Variants in CTNNA3 observed in about 807,000 individuals in gnomAD.
CTNNA3 encodes catenin alpha 3.
Under a neutral mutation model 95.7 loss-of-function variants are expected in CTNNA3, and 76 were observed. The observed-to-expected ratio is 0.79, with a 90% CI of 0.66 to 0.96. The LOEUF is 0.96. Among genes scored for constraint, CTNNA3 ranks in the 40% least tolerant of loss-of-function variants. The probability of loss-of-function intolerance (pLI) is 0.00; values close to 1 mark genes in which losing one functional copy is unlikely to be tolerated. For synonymous variants in CTNNA3, 431 were observed against 374.4 expected (o/e 1.15, Z -1.74); for missense variants, 1,191 against 1,089.8 (o/e 1.09, Z -1.31).
chr10:66,253,849 G>C (rs2090654502), intron 13 of CTNNA3, among the ~76,000 whole-genome samples: 1 of 152,170 alleles, frequency 6.6e-6, no homozygotes, highest in Non-Finnish European at 1.5e-5. Context: ...AGATATCAGA[G>C]AGTCCCTTGT....
intron 7 of CTNNA3, among the ~76,000 whole-genome samples, chr10:66,917,868 TCAAAGCACAGTCATAGATG>T (rs1272741347): frequency 3.3e-5 from 5 of 152,194 alleles, no homozygotes; most frequent in Non-Finnish European, 7.3e-5. Flanking sequence ...GACTTTACAT[TCAAAGCACAGTCATAGATG>T]CAAAGTAAAA....
At chr10:66,834,667 G>A (rs1481886985) in intron 7 of CTNNA3, among the ~76,000 whole-genome samples, 1 of 152,154 alleles carries the variant, frequency 6.6e-6, no homozygotes, top group Non-Finnish European at 1.5e-5. Flanking sequence ...ATATTCAAAT[G>A]CTGCATTCTA....
At chr10:66,945,936 C>A (rs1247425921) in intron 7 of CTNNA3, among the ~76,000 whole-genome samples, 1 of 151,982 alleles carries the variant, frequency 6.6e-6, no homozygotes, top group Admixed American at 6.6e-5. Context: ...GTTTGAAGGA[C>A]CCCAAAACAA....
chr10:66,854,372 C>T (rs1189112294), intron 7 of CTNNA3, among the ~76,000 whole-genome samples: 10 of 151,926 alleles, frequency 6.6e-5, no homozygotes, highest in Admixed American at 5.9e-4. Flanking sequence ...TGATAATGAA[C>T]TAGGTACTAT....
chr10:66,771,303 T>C (rs1840076515), intron 8 of CTNNA3, among the ~76,000 whole-genome samples: 2 of 152,186 alleles, frequency 1.3e-5, no homozygotes, highest in Non-Finnish European at 2.9e-5. Context: ...TTTTAGTATG[T>C]ATAGTAAAAT....
intron 9 of CTNNA3, among the ~76,000 whole-genome samples, chr10:66,646,243 G>GA (rs1184539927): frequency 2.0e-5 from 3 of 152,188 alleles, no homozygotes; most frequent in African/African-American, 7.2e-5. Context: ...AAATTGATGT[G>GA]AAAAAATAGA....
rs532701306 is a variant in CTNNA3, at chr10:67,317,000, C to A, written c.580-97130G>T. ...AAATTGTACCTTTAGCACACATATA[C>A]CACCGATCTATTTGCATCTAACATT... On this transcript the variant is annotated intron_variant, in intron 5 of 17. Transcript: ENST00000433211. Among the ~76,000 whole-genome samples the A allele has an allele frequency of 3.8e-4, 58 of 152,234 alleles. 1 individual carries two copies. The South Asian group carries it at 7.9e-3, about 21-fold the overall frequency.
intron 7 of CTNNA3, among the ~76,000 whole-genome samples, chr10:66,980,539 A>ATG (rs1564809921): frequency 7.2e-6 from 1 of 138,674 alleles, no homozygotes; most frequent in African/African-American, 2.8e-5. Context: ...AGAATTGAAC[A>ATG]GGAACCAAAA....
At chr10:65,937,485 A>T (rs1293309685) in intron 17 of CTNNA3, among the ~76,000 whole-genome samples, 1 of 152,126 alleles carries the variant, frequency 6.6e-6, no homozygotes. Context: ...CTTTCTTCCA[A>T]GAGTTTCTTT....
chr10:67,141,285 T>C (rs1860549423), intron 7 of CTNNA3, among the ~76,000 whole-genome samples: 1 of 141,384 alleles, frequency 7.1e-6, no homozygotes, highest in African/African-American at 2.7e-5. Context: ...CAATTAATGC[T>C]TGCAAAGGCA....
At chr10:67,106,164 T>C (rs1207241677) in intron 7 of CTNNA3, among the ~76,000 whole-genome samples, 1 of 152,186 alleles carries the variant, frequency 6.6e-6, no homozygotes, top group Admixed American at 6.6e-5. Flanking sequence ...GAACTTGACA[T>C]GACACATTGG....
chr10:67,538,576 T>A lies in CTNNA3; in HGVS notation c.459+927A>T, dbSNP rs563976304. Among the ~76,000 whole-genome samples, 19 of 139,902 alleles carry A rather than the reference T, an allele frequency of 1.4e-4. No individual in the cohort carries two copies. The South Asian group carries it at 4.7e-3, about 35-fold the overall frequency. The allele number at this position is 139,902 out of a possible 152,430, so 91.8% of individuals were successfully genotyped here. On this transcript the variant is annotated intron_variant, in intron 4 of 17. Coordinates refer to ENST00000433211, the MANE Select transcript of CTNNA3 (RefSeq NM_013266.4). ...ACCCAGGCGACAGTGCGAGACTCCA[T>A]CTCAAAAAAAAAAAGAAAAAAGGAA...
intron 5 of CTNNA3, among the ~76,000 whole-genome samples, chr10:67,408,864 A>G (rs1187135749): frequency 1.3e-5 from 2 of 148,704 alleles, no homozygotes; most frequent in African/African-American, 5.0e-5. Flanking sequence ...TCCAGCATTT[A>G]AAAGGAACTT....
chr10:66,723,653 C>T (rs144120910), intron 9 of CTNNA3, among the ~76,000 whole-genome samples: 3 of 152,278 alleles, frequency 2.0e-5, no homozygotes, highest in Non-Finnish European at 4.4e-5. Flanking sequence ...TACCAGAAAA[C>T]AACAGCATCA....
rs545278944 is a variant in CTNNA3 at position 67,558,535 on chromosome 10, G to A, written c.293-18866C>T. ...AAGATGGCCGAATAGGAACAGCGCC[G>A]GTCTACAGCTCCCAGCGTGAGCGAC... is the stretch of plus-strand genomic sequence containing the variant. On this transcript the variant is annotated intron_variant, in intron 3 of 17. Transcript: ENST00000433211. 2.2e-4 allele frequency among the ~76,000 whole-genome samples: 34 copies of A among 152,316 alleles called. No homozygotes were observed. In the South Asian group the frequency reaches 2.3e-3, roughly 10 times the overall value.
chr10:66,135,200 G>A (rs12413019), intron 13 of CTNNA3, among the ~76,000 whole-genome samples: 11,217 of 152,112 alleles, frequency 0.074, 517 homozygotes, highest in Admixed American at 0.12. Flanking sequence ...ACATAACACC[G>A]AGGTTTTGAT....
rs1031870964 is a variant in CTNNA3, at chr10:66,441,988, G to A, written c.1532-62636C>T. 1.5e-4 allele frequency among the ~76,000 whole-genome samples: 23 copies of A among 152,138 alleles called. 1 individual carries two copies. The highest frequency in any genetic ancestry group is 5.6e-4 in the African/African-American group (23 of 41,438). ...CATCCTTTCCATAATTATTCACACT[G>A]AAACTACTGAAATAGTATGTAAAAT... On this transcript the variant is annotated intron_variant, in intron 11 of 17. Transcript: ENST00000433211.
At chr10:67,115,636 GA>G (rs1316972291) in intron 7 of CTNNA3, among the ~76,000 whole-genome samples, 2 of 151,346 alleles carry the variant, frequency 1.3e-5, no homozygotes, top group Non-Finnish European at 2.9e-5. Flanking sequence ...TCTACTAGAG[GA>G]ATGGATGTTA....
At chr10:66,319,742 A>G (rs2092155881) in intron 12 of CTNNA3, among the ~76,000 whole-genome samples, 1 of 152,126 alleles carries the variant, frequency 6.6e-6, no homozygotes, top group Admixed American at 6.6e-5. Context: ...CTAGCATTCA[A>G]ATGCGATTTG....
Sources: allele counts gnomAD v4.1 joint callset (sites outside exome capture counted in the v4.1 genomes callset), GRCh38; gene constraint gnomAD v4.1.1; transcripts MANE v1.5; gene names NCBI Gene and HGNC (gene_info 2026-07-23, HGNC 2026-07-21).